The following LY75 variants were observed in gnomAD, a reference collection of about 807,000 sequenced individuals.
LY75 encodes lymphocyte antigen 75, also known as C-type lectin domain family 13 member B.
In LY75, 185 loss-of-function variants were observed where a neutral mutation model predicts 231.7. That is an observed-to-expected ratio of 0.80 (90% confidence interval 0.71 to 0.90). The LOEUF (loss-of-function observed/expected upper bound fraction) is 0.90. Among genes scored for constraint, LY75 ranks in the 40% least tolerant of loss-of-function variants. LY75 has a pLI of 0.00. For synonymous variants in LY75, 668 were observed against 689.0 expected, an observed-to-expected ratio of 0.97 and a Z score of 0.48; for missense variants, 1,947 against 2,050.2, an observed-to-expected ratio of 0.95 and a Z score of 0.97.
At chr2:159,865,431 T>A (rs964893222) in intron 13 of LY75, among the ~76,000 whole-genome samples, 40 of 152,058 alleles carry the variant, frequency 2.6e-4, no homozygotes, top group African/African-American at 9.4e-4. Context: ...AAAAATAAAT[T>A]AAGCAATAAT....
At chr2:159,853,183 A>G in intron 20 of LY75, 90 bp downstream of exon 20, 1 of 1,336,712 alleles carries the variant, frequency 7.5e-7, no homozygotes. Context: ...CCAAACATAT[A>G]ATTAAAAGGA....
At chr2:159,817,709 CA>C (rs1165716277) in intron 29 of LY75, among the ~76,000 whole-genome samples, 7 of 152,030 alleles carry the variant, frequency 4.6e-5, no homozygotes, top group South Asian at 2.1e-4. Flanking sequence ...AAACAAATAA[CA>C]AAAAAACTAC....
intron 21 of LY75, among the ~76,000 whole-genome samples, chr2:159,850,814 A>G (rs1684379604): frequency 7.5e-6 from 1 of 132,704 alleles, no homozygotes; most frequent in Non-Finnish European, 1.6e-5. Context: ...TCTTATATAT[A>G]AGATATATAT....
intron 4 of LY75, 108 bp from the exon 5 acceptor site, chr2:159,886,638 G>T: frequency 8.8e-7 from 1 of 1,138,554 alleles, no homozygotes; most frequent in Non-Finnish European, 1.2e-6. Flanking sequence ...TGATTGTAAG[G>T]CAGCAATCCC....
Position 159,834,215 on chromosome 2 carries a change from GA to G in LY75, c.3674-5del. ...TTGACCTCTTTTTCAGTCTCATCTA[GA>G]AAAAGAGTTAATGGTAAGAATTCTA... On this transcript the variant is annotated splice_polypyrimidine_tract_variant and splice_region_variant and intron_variant, in intron 26 of 34. Transcript: ENST00000263636. The G allele has an allele frequency of 1.2e-6, 2 of 1,612,966 alleles. No individual in the cohort carries two copies. Among genetic ancestry groups the G allele is most frequent in the South Asian group, 1.1e-5 (1 of 90,834 alleles).
In LY75 at chr2:159,852,319, C is replaced by T. The variant is rs200383625; in HGVS notation, c.2765G>A (p.Cys922Tyr). 75 of 1,613,884 alleles carry T rather than the reference C, an allele frequency of 4.6e-5. No homozygotes were observed. Among genetic ancestry groups the T allele is most frequent in the Non-Finnish European group, 5.8e-5 (69 of 1,179,892 alleles). Residue 922 changes from cysteine (C) to tyrosine (Y), a missense_variant, in exon 21 of 35, where the codon TGT (cysteine) becomes TAT (tyrosine). Physicochemically the swap from Cys to Tyr is radical, Grantham distance 194 (BLOSUM62 -2). Coordinates refer to ENST00000263636, the MANE Select transcript of LY75 (RefSeq NM_002349.4). ...ACAGATGAAGGGCAACTTGGTACTA[C>T]AGTCTGTTGGTTTACCTAAGTCTGA... The part of the protein sequence containing the change: ...WLIDLGKPTD[C>Y]STKLPFICEK...
At chr2:159,835,745 A>G in intron 25 of LY75, 100 bp from the exon 26 acceptor site, 1 of 1,423,764 alleles carries the variant, frequency 7.0e-7, no homozygotes, top group Non-Finnish European at 9.4e-7. Context: ...AATTTTTTTA[A>G]TATTTAATAC....
Position 159,808,320 on chromosome 2 carries a change from A to G in LY75, c.4822+129T>C, listed in dbSNP as rs1039590082. The G allele has an allele frequency of 9.9e-6, 15 of 1,510,036 alleles. No individual in the cohort carries two copies. In the East Asian group the frequency reaches 1.2e-4, roughly 12 times the overall value. 93.5% of individuals were successfully genotyped at this position (1,510,036 alleles called of 1,614,324 possible). ...TTATAACCATCCAGAACAGCCAGCG[A>G]CCTAGCTTATTTATCCAGAAGAGGC... On this transcript the variant is annotated intron_variant, in intron 33 of 34. Coordinates refer to ENST00000263636, the MANE Select transcript of LY75 (RefSeq NM_002349.4).
In LY75 at chr2:159,875,609, T is replaced by C; in HGVS notation, c.1809A>G (p.Gly603=). The change falls in exon 12 of 35, where the codon GGA becomes GGG. Residue 603 remains glycine, a synonymous_variant. Coordinates refer to ENST00000263636, the MANE Select transcript of LY75 (RefSeq NM_002349.4). ...SPGGCVAMST[G]KSVGKWEVKD... ...TCACCTCCCACTTTCCAACAGACTT[T>C]CCAGTAGACATAGCCACGCAGCCGC... 6.2e-7 allele frequency: 1 copy of C among 1,613,942 alleles called. No homozygotes were observed. Among genetic ancestry groups the C allele is most frequent in the Non-Finnish European group, 8.5e-7 (1 of 1,179,984 alleles).
chr2:159,850,037 C>A lies in LY75; in HGVS notation c.3093G>T (p.Leu1031=), dbSNP rs1055449950. The change falls in exon 23 of 35, where the codon CTG becomes CTT. Residue 1031 remains leucine (L), a synonymous_variant. Coordinates refer to ENST00000263636, the MANE Select transcript of LY75 (RefSeq NM_002349.4). The stretch of plus-strand genomic sequence containing the variant: ...ATAATGGGTGAAAGTTACTGTACGT[C>A]AGCTCTCTGTTATCTGTCCATTTGT... ...KINKWTDNRE[L]TYSNFHPLLV... 1 of 1,613,888 alleles carries A rather than the reference C, an allele frequency of 6.2e-7. No individual in the cohort carries two copies. The highest frequency in any genetic ancestry group is 1.3e-5 in the African/African-American group (1 of 74,922).
At chr2:159,850,230 A>T (rs1684341612) in intron 22 of LY75, 90 bp from the exon 23 acceptor site, 1 of 1,507,184 alleles carries the variant, frequency 6.6e-7, no homozygotes, top group African/African-American at 1.4e-5. Context: ...TTTATCTATC[A>T]ACATAGTCTT....
At chr2:159,808,699 G>C (rs1050911402) in intron 32 of LY75, 128 bp from the exon 33 acceptor site, 14 of 1,335,426 alleles carry the variant, frequency 1.0e-5, no homozygotes, top group Non-Finnish European at 1.4e-5. Flanking sequence ...CTTACACAGA[G>C]ACAGTTTTTA....
chr2:159,854,282 G>A, intron 18 of LY75, 78 bp downstream of exon 18: 10 of 1,167,022 alleles, frequency 8.6e-6, no homozygotes, highest in Non-Finnish European at 1.1e-5. Context: ...GTAGATTTTG[G>A]CAAAATTTTT....
At chr2:159,872,424 T>A (rs756303419) in intron 13 of LY75, 27 bp downstream of exon 13, 104 of 1,609,158 alleles carry the variant, frequency 6.5e-5, no homozygotes, top group East Asian at 6.7e-5. Context: ...AAATTCAGCA[T>A]AGAAATTCTC....
chr2:159,890,516 C>A, intron 3 of LY75, 139 bp from the exon 4 acceptor site: 1 of 1,193,888 alleles, frequency 8.4e-7, no homozygotes, highest in Non-Finnish European at 1.2e-6. Flanking sequence ...TCATTTAGAC[C>A]ATATTTTGAT....
intron 23 of LY75, among the ~76,000 whole-genome samples, chr2:159,848,274 G>A (rs745885065): frequency 1.6e-4 from 25 of 151,874 alleles, no homozygotes; most frequent in South Asian, 4.2e-4. Context: ...TGAGATTGGA[G>A]ACTATTATTC....
intron 5 of LY75, 80 bp from the exon 6 acceptor site, chr2:159,885,373 C>T: frequency 1.3e-6 from 2 of 1,522,004 alleles, no homozygotes; most frequent in Non-Finnish European, 1.8e-6. Flanking sequence ...ATTTGTATTC[C>T]TAATTTTATG....
chr2:159,831,939 C>T (rs1474793245), intron 27 of LY75, 153 bp from the exon 28 acceptor site: 2 of 263,020 alleles, frequency 7.6e-6, no homozygotes, highest in East Asian at 3.5e-4. Context: ...AAAATTATCC[C>T]ATTGTACTAA....
rs376556296 is a variant in LY75, at chr2:159,878,394, C to T, written c.1704G>A (p.Glu568=). 34 of 1,613,996 alleles carry T rather than the reference C, an allele frequency of 2.1e-5. No individual in the cohort carries two copies. In the Middle Eastern group the frequency reaches 1.2e-3, roughly 55 times the overall value. The part of the protein sequence containing the change: ...TGLRDVDSCG[E]YNWATVGGRR... ...TTCCACCAACAGTTGCCCAGTTATA[C>T]TCTCCACAAGAATCTACATCTCTCA... Residue 568 remains glutamate (E), a synonymous_variant, in exon 11 of 35, where the codon GAG becomes GAA. Transcript: ENST00000263636.
Sources: allele counts gnomAD v4.1 joint callset (sites outside exome capture counted in the v4.1 genomes callset), GRCh38; gene constraint gnomAD v4.1.1; transcripts MANE v1.5; gene names NCBI Gene and HGNC (gene_info 2026-07-23, HGNC 2026-07-21).